USP34: variants seen among roughly 807,000 people sequenced by gnomAD.
USP34 encodes ubiquitin carboxyl-terminal hydrolase 34.
In USP34, 70 loss-of-function variants were observed where a neutral mutation model predicts 460.3. That is an observed-to-expected ratio of 0.15 (90% confidence interval 0.13 to 0.19). USP34 has a LOEUF of 0.19. USP34 is among the 10% of genes least tolerant of loss of function. The pLI is 1.00. For synonymous variants in USP34, 1,647 were observed against 1,405.3 expected (o/e 1.17, Z -3.85); for missense variants, 3,985 against 4,236.2 (o/e 0.94, Z 1.65).
At chr2:61,208,348 A>C (rs1207161393) in intron 70 of USP34, 2 of 152,374 alleles carry the variant, frequency 1.3e-5, no homozygotes, top group South Asian at 2.1e-4. Flanking sequence ...GACAGAGCTA[A>C]TGTACTTCCT....
At chr2:61,347,306 C>G (rs1270481179) in intron 15 of USP34, among the ~76,000 whole-genome samples, 2 of 152,124 alleles carry the variant, frequency 1.3e-5, no homozygotes, top group Non-Finnish European at 2.9e-5. Context: ...ATACTTATTA[C>G]ATGTGTAAAT....
chr2:61,469,325 A>G (rs1371259469), intron 1 of USP34, among the ~76,000 whole-genome samples: 1 of 152,248 alleles, frequency 6.6e-6, no homozygotes, highest in Non-Finnish European at 1.5e-5. Flanking sequence ...CACGACTTGT[A>G]TGTGAGATAT....
chr2:61,225,425 T>A (rs1354909642), intron 62 of USP34, among the ~76,000 whole-genome samples: 2 of 152,124 alleles, frequency 1.3e-5, no homozygotes, highest in African/African-American at 4.8e-5. Context: ...TAATATATAG[T>A]TAGGTTCATT....
At chr2:61,312,585 C>T (rs1478221464) in intron 25 of USP34, among the ~76,000 whole-genome samples, 1 of 151,298 alleles carries the variant, frequency 6.6e-6, no homozygotes, top group Non-Finnish European at 1.5e-5. Flanking sequence ...AATGAATGAA[C>T]TTGTCTAATT....
intron 68 of USP34, among the ~76,000 whole-genome samples, chr2:61,213,111 G>A (rs1399553851): frequency 1.3e-5 from 2 of 151,978 alleles, no homozygotes; most frequent in Non-Finnish European, 2.9e-5. Flanking sequence ...AACCTCCTGG[G>A]CTCAAGCGAT....
chr2:61,326,829 G>A (rs938895565), intron 20 of USP34, among the ~76,000 whole-genome samples: 2 of 142,888 alleles, frequency 1.4e-5, no homozygotes, highest in Admixed American at 7.5e-5. Context: ...ACTCGCCCAG[G>A]TTGGAGTGCA....
chr2:61,363,853 G>A (rs1351217363), intron 10 of USP34, among the ~76,000 whole-genome samples: 1 of 151,436 alleles, frequency 6.6e-6, no homozygotes, highest in Non-Finnish European at 1.5e-5. Flanking sequence ...ATACAGTAGA[G>A]TATTAGTCAT....
At chr2:61,350,758 T>C in intron 10 of USP34, 65 bp from the exon 11 acceptor site, 4 of 1,511,696 alleles carry the variant, frequency 2.6e-6, no homozygotes, top group Non-Finnish European at 3.5e-6. Flanking sequence ...TTACCTGATA[T>C]AAAAACAGTT....
intron 22 of USP34, among the ~76,000 whole-genome samples, chr2:61,318,872 T>G (rs769920661): frequency 1.3e-5 from 2 of 152,202 alleles, no homozygotes; most frequent in Non-Finnish European, 2.9e-5. Flanking sequence ...TATTACTGAT[T>G]ATTTCAAAAA....
intron 34 of USP34, 73 bp from the exon 35 acceptor site, chr2:61,285,030 T>C: frequency 8.0e-7 from 1 of 1,248,424 alleles, no homozygotes; most frequent in East Asian, 2.5e-5. Context: ...ACTCAAGATT[T>C]AGTTACTAAA....
rs773324329 is a variant in USP34, at chr2:61,278,244, T to C, written c.5354A>G (p.Asp1785Gly). The change falls in exon 41 of 80, where the codon GAT becomes GGT. Residue 1785 changes from aspartate (D) to glycine (G), a missense_variant. This residue lies in a region of USP34 where 1,114 missense variants were observed against 1,122.5 expected (regional missense o/e 0.99). Coordinates refer to ENST00000398571, the MANE Select transcript of USP34 (RefSeq NM_014709.4). ...LDHQDGNVED[D>G]GLTGLLRLAT... ...AAGCCTTAGGAGTCCTGTAAGCCCATCATCTTCTACATTACCATCCTGATG... is the reference window on the plus strand; with the variant it reads ...AAGCCTTAGGAGTCCTGTAAGCCCACCATCTTCTACATTACCATCCTGATG... 3.1e-6 allele frequency: 5 copies of C among 1,613,616 alleles called. No homozygotes were observed. The highest frequency in any genetic ancestry group is 1.7e-6 in the Non-Finnish European group (2 of 1,179,830).
chr2:61,396,507 T>C (rs1471891378), intron 3 of USP34, among the ~76,000 whole-genome samples: 1 of 130,602 alleles, frequency 7.7e-6, no homozygotes, highest in Non-Finnish European at 1.6e-5. Flanking sequence ...TTTTTTTTTT[T>C]AGACGGAGTC....
At chr2:61,368,844 T>C (rs960465018) in intron 10 of USP34, among the ~76,000 whole-genome samples, 2 of 151,994 alleles carry the variant, frequency 1.3e-5, no homozygotes, top group Admixed American at 6.6e-5. Flanking sequence ...CCATAAAAAC[T>C]ACAACCACAA....
chr2:61,409,787 T>G (rs535031622), intron 2 of USP34, among the ~76,000 whole-genome samples: 22 of 152,132 alleles, frequency 1.4e-4, no homozygotes, highest in South Asian at 1.0e-3. Context: ...CCTAAGAAAC[T>G]GATGATCTTC....
intron 1 of USP34, among the ~76,000 whole-genome samples, chr2:61,422,242 C>T (rs992204712): frequency 6.6e-6 from 1 of 152,158 alleles, no homozygotes; most frequent in Non-Finnish European, 1.5e-5. Flanking sequence ...GATCACAGTA[C>T]GCCATGCCAG....
chr2:61,346,092 A>T (rs1342821884), intron 15 of USP34, among the ~76,000 whole-genome samples: 1 of 152,162 alleles, frequency 6.6e-6, no homozygotes, highest in African/African-American at 2.4e-5. Context: ...CCCTTTCTTA[A>T]TCACAATTTA....
rs376016614 is a variant in USP34 at position 61,311,476 on chromosome 2, AAGAGAAAG to A, written c.3817+56_3817+63del. ...AAAGAAAAGGAAAGGAGAAAAGAGA[AAGAGAAAG>A]AGAAAAAGAAAGAAAGAGAGAAAGA... On this transcript the variant is annotated intron_variant, in intron 27 of 79. Coordinates refer to ENST00000398571, the MANE Select transcript of USP34 (RefSeq NM_014709.4). The A allele has an allele frequency of 2.4e-5, 36 of 1,491,368 alleles. 1 individual carries two copies. The highest frequency in any genetic ancestry group is 2.9e-5 in the African/African-American group (2 of 69,820). The allele number at this position is 1,491,368 out of a possible 1,614,324, so 92.4% of individuals were successfully genotyped here. A position where few individuals can be genotyped will look rare whatever the true frequency, so the allele number is the denominator to read the frequency against.
At chr2:61,247,436 C>G (rs1688447542) in intron 49 of USP34, among the ~76,000 whole-genome samples, 1 of 152,140 alleles carries the variant, frequency 6.6e-6, no homozygotes, top group South Asian at 2.1e-4. Context: ...ATTCCTTTAT[C>G]CTGGCATAAA....
intron 10 of USP34, among the ~76,000 whole-genome samples, chr2:61,360,619 A>C (rs1378636658): frequency 6.6e-6 from 1 of 152,190 alleles, no homozygotes; most frequent in Non-Finnish European, 1.5e-5. Context: ...ATACCACCCA[A>C]AATCTACAGA....
Sources: allele counts gnomAD v4.1 joint callset (sites outside exome capture counted in the v4.1 genomes callset), GRCh38; gene constraint gnomAD v4.1.1; regional missense constraint gnomAD v4.1.1; transcripts MANE v1.5; gene names NCBI Gene and HGNC (gene_info 2026-07-23, HGNC 2026-07-21).